The following MACROD1 variants were observed in gnomAD, a reference collection of about 807,000 sequenced individuals.
The protein encoded by MACROD1 is ADP-ribose glycohydrolase MACROD1.
In MACROD1, 31 loss-of-function variants were observed where a neutral mutation model predicts 41.4. That is an observed-to-expected ratio of 0.75 (90% CI 0.56 to 1.01). The LOEUF (loss-of-function observed/expected upper bound fraction) is 1.01. MACROD1 is among the 50% of genes least tolerant of loss of function. The probability of loss-of-function intolerance (pLI) is 0.00; values close to 1 mark genes in which losing one functional copy is unlikely to be tolerated. For missense variants in MACROD1, 473 were observed against 460.0 expected (o/e 1.03, Z -0.26); for synonymous variants, 252 against 203.4 (o/e 1.24, Z -2.03).
At chr11:64,083,604 G>A (rs1944340804) in intron 3 of MACROD1, among the ~76,000 whole-genome samples, 2 of 152,186 alleles carry the variant, frequency 1.3e-5, no homozygotes, top group Admixed American at 1.3e-4. Context: ...GAACGAGCCG[G>A]GAATAAATAA....
Position 64,021,942 on chromosome 11 carries a change from G to C in MACROD1, c.518-6661C>G, listed in dbSNP as rs1483180311. On this transcript the variant is annotated intron_variant, in intron 3 of 10. Coordinates refer to ENST00000255681, the MANE Select transcript of MACROD1 (RefSeq NM_014067.4). ...GGGAGTGGCAGGGGGCCGGGGGGGG[G>C]GGGGGGGGGTGTGAGGTGGCGGCGG... 2.4e-4 allele frequency among the ~76,000 whole-genome samples: 17 copies of C among 69,842 alleles called. 3 individuals are homozygous for C. The highest frequency in any genetic ancestry group is 1.4e-3 in the East Asian group (2 of 1,420). The allele number at this position is 69,842 out of a possible 152,430, so 45.8% of individuals were successfully genotyped here.
intron 1 of MACROD1, among the ~76,000 whole-genome samples, chr11:64,157,161 C>T (rs1376616839): frequency 2.0e-5 from 3 of 152,086 alleles, no homozygotes; most frequent in Non-Finnish European, 2.9e-5. Flanking sequence ...GGCACGATCT[C>T]GGCTCACTGC....
intron 3 of MACROD1, among the ~76,000 whole-genome samples, chr11:64,083,926 G>A (rs1180227956): frequency 3.3e-5 from 5 of 152,320 alleles, no homozygotes; most frequent in Admixed American, 1.3e-4. Flanking sequence ...CGTGGGCAGG[G>A]GCACATATGC....
chr11:64,047,916 G>GGAAGGAA (rs1198411531), intron 3 of MACROD1, among the ~76,000 whole-genome samples: 1 of 139,728 alleles, frequency 7.2e-6, no homozygotes, highest in African/African-American at 2.6e-5. Context: ...AAAAAAAAAA[G>GGAAGGAA]GAAGGAAGCA....
chr11:64,126,757 C>G (rs1055568287), intron 3 of MACROD1: 2 of 151,062 alleles, frequency 1.3e-5, no homozygotes, highest in Admixed American at 6.6e-5. Flanking sequence ...AGGGAGCAGG[C>G]CTGATCTCTC....
rs576137681 is a variant in MACROD1 at position 64,146,402 on chromosome 11, T to C, written c.517+4837A>G. 1.6e-4 allele frequency among the ~76,000 whole-genome samples: 25 copies of C among 152,242 alleles called. No homozygotes were observed. In the South Asian group the frequency reaches 5.0e-3, roughly 30 times the overall value. On this transcript the variant is annotated intron_variant, in intron 3 of 10. Coordinates refer to ENST00000255681, the MANE Select transcript of MACROD1 (RefSeq NM_014067.4). The surrounding 1 kb of genome is among the most constrained non-coding windows in gnomAD (Gnocchi z 4.7). ...GGCTCCCTGGCTTATCTCCTGCACATGGCAGCCCAATTTCATTAAGACGGA... is the reference window on the plus strand; with the variant it reads ...GGCTCCCTGGCTTATCTCCTGCACACGGCAGCCCAATTTCATTAAGACGGA...
rs558852839 is a variant in MACROD1 at position 64,122,716 on chromosome 11, C to T, written c.517+28523G>A. Among the ~76,000 whole-genome samples, 2 of 152,302 alleles carry T rather than the reference C, an allele frequency of 1.3e-5. No homozygotes were observed. Among genetic ancestry groups the T allele is most frequent in the East Asian group, 3.9e-4 (2 of 5,186 alleles). On this transcript the variant is annotated intron_variant, in intron 3 of 10. Transcript: ENST00000255681. This position sits in a 1 kb window ranked among gnomAD's most constrained non-coding sequence, Gnocchi z 4.0. ...CAGCGTCACTCAGGAAACTGGTGCT[C>T]CAGAGGCCAAGTGGGGGCCCTTCCC...
Position 64,132,558 on chromosome 11 carries a change from C to T in MACROD1, c.517+18681G>A, listed in dbSNP as rs145519098. 8.7e-3 allele frequency among the ~76,000 whole-genome samples: 1,332 copies of T among 152,230 alleles called. 7 individuals are homozygous for T. Among genetic ancestry groups the T allele is most frequent in the Middle Eastern group, 0.024 (7 of 294 alleles). On this transcript the variant is annotated intron_variant, in intron 3 of 10. Coordinates refer to ENST00000255681, the MANE Select transcript of MACROD1 (RefSeq NM_014067.4). Reference sequence around the variant, plus strand: ...TCCTGAGCAGGCCCTCCCCAGTCAGCGGCTCCTCGGGGTCTGGCAGATGGA... The same window carrying T: ...TCCTGAGCAGGCCCTCCCCAGTCAGTGGCTCCTCGGGGTCTGGCAGATGGA...
chr11:64,128,002 G>T (rs756460443), intron 3 of MACROD1, among the ~76,000 whole-genome samples: 7 of 152,212 alleles, frequency 4.6e-5, no homozygotes, highest in Non-Finnish European at 1.0e-4. Flanking sequence ...TTCATGTCTG[G>T]ATACAGTTAA....
chr11:64,096,364 T>C lies in MACROD1; in HGVS notation c.517+54875A>G, dbSNP rs1268909862. 6.6e-6 allele frequency among the ~76,000 whole-genome samples: 1 copy of C among 151,540 alleles called. No homozygotes were observed. Among genetic ancestry groups the C allele is most frequent in the Non-Finnish European group, 1.5e-5 (1 of 67,942 alleles). On this transcript the variant is annotated intron_variant, in intron 3 of 10. Transcript: ENST00000255681. This position sits in a 1 kb window ranked among gnomAD's most constrained non-coding sequence, Gnocchi z 4.6. ...TCCCTAATGGGCACGGGCGACGCAT[T>C]ACAGTGAGGTCTGCCAGGTAGAGCT...
At chr11:64,029,524 T>A (rs938708300) in intron 3 of MACROD1, among the ~76,000 whole-genome samples, 1 of 151,938 alleles carries the variant, frequency 6.6e-6, no homozygotes, top group Non-Finnish European at 1.5e-5. Flanking sequence ...CCCAATGGCA[T>A]CCCCTTCCTC....
At chr11:64,017,882 C>T (rs186583718) in intron 3 of MACROD1, among the ~76,000 whole-genome samples, 7 of 152,306 alleles carry the variant, frequency 4.6e-5, no homozygotes, top group Non-Finnish European at 8.8e-5. Flanking sequence ...CAGCGAGCCT[C>T]GAAGGGGTGG....
intron 3 of MACROD1, among the ~76,000 whole-genome samples, chr11:64,061,612 A>G (rs1465665592): frequency 6.6e-6 from 1 of 152,110 alleles, no homozygotes; most frequent in African/African-American, 2.4e-5. Flanking sequence ...CCGAATCTGC[A>G]TGCCTCTCTG....
intron 3 of MACROD1, 132 bp downstream of exon 3, chr11:64,151,107 G>A (rs926608516): frequency 7.0e-6 from 5 of 718,456 alleles, no homozygotes; most frequent in African/African-American, 3.5e-5. Flanking sequence ...CTGCCATGGC[G>A]CCAGCAGGCT....
chr11:64,037,196 C>T (rs995288639), intron 3 of MACROD1, among the ~76,000 whole-genome samples: 1 of 152,186 alleles, frequency 6.6e-6, no homozygotes, highest in African/African-American at 2.4e-5. Flanking sequence ...CCTACGCCCT[C>T]GGGTTGGATG....
At chr11:64,149,955 C>G (rs544112267) in intron 3 of MACROD1, among the ~76,000 whole-genome samples, 1 of 152,362 alleles carries the variant, frequency 6.6e-6, no homozygotes, top group African/African-American at 2.4e-5. Flanking sequence ...CCAGAACCAC[C>G]TGCAGAAGCC....
At chr11:64,034,258 CTG>C (rs1407726460) in intron 3 of MACROD1, among the ~76,000 whole-genome samples, 1 of 152,222 alleles carries the variant, frequency 6.6e-6, no homozygotes, top group Non-Finnish European at 1.5e-5. Context: ...AACCACAGCT[CTG>C]TAAAAATTAC....
chr11:64,093,686 C>A (rs1220873784), intron 3 of MACROD1, among the ~76,000 whole-genome samples: 1 of 152,248 alleles, frequency 6.6e-6, no homozygotes, highest in Non-Finnish European at 1.5e-5. Flanking sequence ...AGCCCCACCC[C>A]CTCTTGGTCA....
chr11:64,014,849 G>A (rs1227344066), intron 4 of MACROD1, among the ~76,000 whole-genome samples: 1 of 152,236 alleles, frequency 6.6e-6, no homozygotes, highest in Non-Finnish European at 1.5e-5. Flanking sequence ...GACTTTGTGA[G>A]ACCTGTCCTG....
Sources: gnomAD v4.1 joint callset for allele counts (sites outside exome capture counted in the v4.1 genomes callset) on GRCh38, gnomAD v4.1.1 for gene constraint, Gnocchi (gnomAD v3.1) non-coding constraint, MANE v1.5 for transcripts, NCBI Gene and HGNC (gene_info 2026-07-23, HGNC 2026-07-21) for gene names.